The following MTF1 variants were observed in gnomAD, a reference collection of about 807,000 sequenced individuals.
MTF1 encodes metal regulatory transcription factor 1.
In MTF1, 22 loss-of-function variants were observed where a neutral mutation model predicts 70.4. The ratio of observed to expected loss-of-function variants is 0.31; its 90% CI spans 0.22 to 0.45. The LOEUF is 0.45. Among genes scored for constraint, MTF1 ranks in the 20% least tolerant of loss-of-function variants. The probability of loss-of-function intolerance (pLI) is 1.00; values close to 1 mark genes in which losing one functional copy is unlikely to be tolerated. For missense variants in MTF1, 649 were observed against 922.0 expected, an observed-to-expected ratio of 0.70 and a Z score of 3.83; for synonymous variants, 333 against 352.8, an observed-to-expected ratio of 0.94 and a Z score of 0.63.
At chr1:37,829,816 C>T (rs1310458049) in intron 7 of MTF1, among the ~76,000 whole-genome samples, 2 of 151,852 alleles carry the variant, frequency 1.3e-5, no homozygotes, top group Non-Finnish European at 1.5e-5. Flanking sequence ...AAAAATTAAT[C>T]CTATTGCTTC....
At position 37,810,576 on chromosome 1, in the gene MTF1, G is replaced by C. The variant is rs906080015; in HGVS notation, c.*4560C>G. On this transcript the variant is annotated 3_prime_UTR_variant, in exon 11 of 11. Coordinates refer to ENST00000373036, the MANE Select transcript of MTF1 (RefSeq NM_005955.3). ...TCTCTCCCTAAAAAACATGCAAGAG[G>C]AAACAGGCCAAAATGGCTAACCAAT... 3.3e-5 allele frequency: 5 copies of C among 152,176 alleles called. No individual in the cohort carries two copies. The highest frequency in any genetic ancestry group is 1.9e-4 in the East Asian group (1 of 5,198). 9.4% of individuals were successfully genotyped at this position (152,176 alleles called of 1,614,324 possible). A position where few individuals can be genotyped will look rare whatever the true frequency, so the allele number is the denominator to read the frequency against.
chr1:37,853,567 C>T (rs1281559590), intron 2 of MTF1, among the ~76,000 whole-genome samples: 1 of 152,218 alleles, frequency 6.6e-6, no homozygotes, highest in Non-Finnish European at 1.5e-5. Context: ...AGTGTGCTGA[C>T]TCTGTTGTAA....
At chr1:37,848,131 G>C (rs1354053989) in intron 2 of MTF1, among the ~76,000 whole-genome samples, 2 of 152,118 alleles carry the variant, frequency 1.3e-5, no homozygotes, top group Non-Finnish European at 2.9e-5. Flanking sequence ...ACCTCCCAAA[G>C]AGTGCCTAAC....
chr1:37,851,160 C>A (rs1265308743), intron 2 of MTF1, among the ~76,000 whole-genome samples: 7 of 152,162 alleles, frequency 4.6e-5, no homozygotes, highest in Non-Finnish European at 4.4e-5. Flanking sequence ...GCAAGATTTT[C>A]GAAGACTAAA....
At chr1:37,827,807 A>G (rs1292302525) in intron 7 of MTF1, among the ~76,000 whole-genome samples, 2 of 152,192 alleles carry the variant, frequency 1.3e-5, no homozygotes, top group African/African-American at 4.8e-5. Context: ...GTGCAAAAGT[A>G]TTTGCGGTTT....
chr1:37,824,722 T>C lies in MTF1; in HGVS notation c.1069-910A>G, dbSNP rs140720294. Reference sequence around the variant, plus strand: ...ACAACAACAAAAAAATTATATAATATTCATTACCCTGCAACTTGCTTTCCT... The same window carrying C: ...ACAACAACAAAAAAATTATATAATACTCATTACCCTGCAACTTGCTTTCCT... On this transcript the variant is annotated intron_variant, in intron 7 of 10. Transcript: ENST00000373036. 5.1e-3 allele frequency among the ~76,000 whole-genome samples: 772 copies of C among 152,208 alleles called. 7 individuals carry two copies. The highest frequency in any genetic ancestry group is 0.018 in the African/African-American group (729 of 41,538).
intron 5 of MTF1, 149 bp from the exon 6 acceptor site, chr1:37,835,364 C>T (rs1641150430): frequency 4.4e-6 from 3 of 688,370 alleles, no homozygotes; most frequent in Non-Finnish European, 7.5e-6. Flanking sequence ...CATTAATCAT[C>T]TCAGTCCTCA....
chr1:37,835,797 C>T, intron 4 of MTF1, 53 bp from the exon 5 acceptor site: 4 of 1,457,914 alleles, frequency 2.7e-6, no homozygotes, highest in Non-Finnish European at 3.8e-6. Context: ...AGATCTTTAT[C>T]CTGAACGTCT....
chr1:37,846,651 TTAAGA>T (rs1557597293), intron 2 of MTF1, among the ~76,000 whole-genome samples: 1 of 152,066 alleles, frequency 6.6e-6, no homozygotes, highest in Non-Finnish European at 1.5e-5. Context: ...GACTGCCTTG[TTAAGA>T]TAACAGAATC....
chr1:37,832,348 G>T, intron 6 of MTF1, 26 bp from the exon 7 acceptor site: 2 of 1,511,096 alleles, frequency 1.3e-6, no homozygotes, highest in South Asian at 1.1e-5. Flanking sequence ...AATTCTAATT[G>T]AGTAACAAAA....
rs948918089 is a variant in MTF1, at chr1:37,815,464, C to G, written c.1934G>C (p.Arg645Pro). The change falls in exon 11 of 11, where the codon CGG becomes CCG. Residue 645 changes from arginine (R) to proline (P), a missense_variant. Around this residue, in one of 7 missense-constraint regions of MTF1, gnomAD observed 138 missense variants for 134.4 expected, o/e 1.03. Coordinates refer to ENST00000373036, the MANE Select transcript of MTF1 (RefSeq NM_005955.3). This position sits in a 1 kb window ranked among gnomAD's most constrained non-coding sequence, Gnocchi z 4.5. ...GCAGCCCTTTCTCCTGCTGGATGCC[C>G]GCTCCTTTGCAGAGTCCCGGCATGC... ...QCACRDSAKE[R>P]ASSRRKGCSS... 6.2e-7 allele frequency: 1 copy of G among 1,604,048 alleles called. No homozygotes were observed. The highest frequency in any genetic ancestry group is 1.1e-5 in the South Asian group (1 of 89,806).
At chr1:37,817,803 C>A in intron 9 of MTF1, among the ~76,000 whole-genome samples, 1 of 152,224 alleles carries the variant, frequency 6.6e-6, no homozygotes, top group East Asian at 1.9e-4. Context: ...TCAGAGGGAT[C>A]CCAGGGCTAG....
chr1:37,838,797 CTTTTTTTTTTT>C (rs746478428), intron 3 of MTF1, 41 bp from the exon 4 acceptor site: 9 of 473,678 alleles, frequency 1.9e-5, no homozygotes, highest in South Asian at 3.2e-5. Flanking sequence ...TCATAAAATT[CTTTTTTTTTTT>C]TTTTTTTTTT....
chr1:37,850,927 G>A (rs1021168777), intron 2 of MTF1, among the ~76,000 whole-genome samples: 7 of 151,888 alleles, frequency 4.6e-5, no homozygotes, highest in Non-Finnish European at 1.0e-4. Context: ...ACCTGTGCAT[G>A]GAGGGAAAAG....
In MTF1 at chr1:37,822,397, T is replaced by C; in HGVS notation, c.1491A>G (p.Pro497=). Reference sequence around the variant, plus strand: ...AAGCCCCAGCAACAACAGAAAGTCCTGGTACAATGGGCTGCGGTGCCTGGG... The same window carrying C: ...AAGCCCCAGCAACAACAGAAAGTCCCGGTACAATGGGCTGCGGTGCCTGGG... ...PHPQAPQPIV[P]GLSVVAGASA... is the part of the protein sequence containing the mutation. Residue 497 remains proline (P), a synonymous_variant, in exon 9 of 11, where the codon CCA becomes CCG. Coordinates refer to ENST00000373036, the MANE Select transcript of MTF1 (RefSeq NM_005955.3). 4.3e-6 allele frequency: 7 copies of C among 1,614,156 alleles called. No individual in the cohort carries two copies. Among genetic ancestry groups the C allele is most frequent in the Non-Finnish European group, 5.9e-6 (7 of 1,180,018 alleles).
intron 4 of MTF1, among the ~76,000 whole-genome samples, chr1:37,836,450 A>G (rs1641171930): frequency 6.6e-6 from 1 of 152,136 alleles, no homozygotes; most frequent in East Asian, 1.9e-4. Context: ...AACAAAATCA[A>G]TCAGAAGATA....
intron 2 of MTF1, among the ~76,000 whole-genome samples, chr1:37,853,291 T>C (rs1641443830): frequency 1.3e-5 from 2 of 152,250 alleles, no homozygotes; most frequent in Non-Finnish European, 2.9e-5. Context: ...TACCACTGCC[T>C]TCCATGTTTG....
At chr1:37,847,011 T>C (rs151281789) in intron 2 of MTF1, among the ~76,000 whole-genome samples, 19 of 152,258 alleles carry the variant, frequency 1.2e-4, no homozygotes, top group African/African-American at 4.3e-4. Flanking sequence ...TCCGACTCCA[T>C]TCCCCACACC....
At chr1:37,817,386 G>A (rs1640836495) in intron 10 of MTF1, 33 bp downstream of exon 10, 4 of 1,407,400 alleles carry the variant, frequency 2.8e-6, no homozygotes, top group Non-Finnish European at 4.0e-6. Context: ...CCACAGAGTT[G>A]CCTTCTCTTA....
Sources: gnomAD v4.1 joint callset for allele counts (sites outside exome capture counted in the v4.1 genomes callset) on GRCh38, gnomAD v4.1.1 for gene constraint, gnomAD v4.1.1 regional missense constraint, Gnocchi (gnomAD v3.1) non-coding constraint, MANE v1.5 for transcripts, NCBI Gene and HGNC (gene_info 2026-07-23, HGNC 2026-07-21) for gene names.